SMIM31: variants seen among roughly 807,000 people sequenced by gnomAD.
SMIM31 encodes human epithelial cell program regulator.
chr4:164,763,135 C>T (rs577786176), intron 1 of SMIM31, among the ~76,000 whole-genome samples: 1 of 152,202 alleles, frequency 6.6e-6, no homozygotes, highest in Non-Finnish European at 1.5e-5. Context: ...TAAACCTATA[C>T]TTTAGAGACT....
At chr4:164,789,525 G>C (rs910768753) in intron 2 of SMIM31, among the ~76,000 whole-genome samples, 1 of 152,044 alleles carries the variant, frequency 6.6e-6, no homozygotes, top group African/African-American at 2.4e-5. Flanking sequence ...AAATTCACTG[G>C]GTAGAGGCAG....
At chr4:164,794,207 T>A (rs1733145336) in intron 2 of SMIM31, among the ~76,000 whole-genome samples, 1 of 151,888 alleles carries the variant, frequency 6.6e-6, no homozygotes, top group African/African-American at 2.4e-5. Flanking sequence ...GGAAACCCCA[T>A]CTCTACAAAA....
chr4:164,763,126 A>G (rs1287275176), intron 1 of SMIM31, among the ~76,000 whole-genome samples: 1 of 152,242 alleles, frequency 6.6e-6, no homozygotes, highest in African/African-American at 2.4e-5. Context: ...GAACTTTAGT[A>G]AACCTATACT....
At chr4:164,797,183 A>G (rs910498743) in intron 2 of SMIM31, among the ~76,000 whole-genome samples, 2 of 152,092 alleles carry the variant, frequency 1.3e-5, no homozygotes, top group Admixed American at 6.6e-5. Context: ...TTAAATTTCA[A>G]TCTCCTCTTT....
chr4:164,760,281 C>T (rs1461850080), intron 1 of SMIM31, among the ~76,000 whole-genome samples: 1 of 152,024 alleles, frequency 6.6e-6, no homozygotes, highest in Admixed American at 6.5e-5. Flanking sequence ...GTATGCCTTA[C>T]AATCTTAAAA....
chr4:164,765,273 A>T (rs928919966), intron 1 of SMIM31, among the ~76,000 whole-genome samples: 1 of 152,232 alleles, frequency 6.6e-6, no homozygotes, highest in Non-Finnish European at 1.5e-5. Context: ...AACAGCATTG[A>T]CAGGAGCTGG....
intron 1 of SMIM31, among the ~76,000 whole-genome samples, chr4:164,766,711 T>C (rs1418476524): frequency 6.6e-6 from 1 of 150,986 alleles, no homozygotes; most frequent in African/African-American, 2.4e-5. Flanking sequence ...GGCAGGAGAA[T>C]CGCTTGAACC....
chr4:164,795,842 G>A (rs574216829), intron 2 of SMIM31, among the ~76,000 whole-genome samples: 31 of 152,090 alleles, frequency 2.0e-4, no homozygotes, highest in South Asian at 4.2e-4. Flanking sequence ...TAGTATAAAG[G>A]TGACTAAAGC....
chr4:164,759,269 T>C (rs567942648), intron 1 of SMIM31, among the ~76,000 whole-genome samples: 1 of 152,276 alleles, frequency 6.6e-6, no homozygotes, highest in South Asian at 2.1e-4. Flanking sequence ...ATTTTCTGAT[T>C]TTATGTAAAC....
intron 2 of SMIM31, among the ~76,000 whole-genome samples, chr4:164,787,069 G>A (rs1341606875): frequency 4.6e-5 from 7 of 152,192 alleles, no homozygotes; most frequent in Admixed American, 2.0e-4. Flanking sequence ...GTGACATTAA[G>A]TCCTACCCTC....
intron 1 of SMIM31, among the ~76,000 whole-genome samples, chr4:164,767,501 T>C (rs1442087790): frequency 6.6e-6 from 1 of 152,166 alleles, no homozygotes; most frequent in African/African-American, 2.4e-5. Flanking sequence ...AAGTGATACA[T>C]TTTTGCACCA....
intron 2 of SMIM31, among the ~76,000 whole-genome samples, chr4:164,792,623 A>T (rs1733117170): frequency 6.6e-6 from 1 of 152,148 alleles, no homozygotes; most frequent in Non-Finnish European, 1.5e-5. Flanking sequence ...AACATTATTA[A>T]TTGGTGAATT....
In SMIM31 at chr4:164,801,985, G is replaced by A. The variant is rs375074026; in HGVS notation, c.*791G>A. On this transcript the variant is annotated 3_prime_UTR_variant, in exon 3 of 3. Coordinates refer to ENST00000507311, the MANE Select transcript of SMIM31 (RefSeq NM_001352885.1). Reference sequence around the variant, plus strand: ...GCAGTGGCTCACGCCTGTAATCCCAGCACTTTGGGAGGCCGAGGTGGGCAG... The same window carrying A: ...GCAGTGGCTCACGCCTGTAATCCCAACACTTTGGGAGGCCGAGGTGGGCAG... The A allele has an allele frequency of 6.6e-6, 1 of 151,770 alleles. No homozygotes were observed. 9.4% of individuals were successfully genotyped at this position (151,770 alleles called of 1,614,324 possible).
intron 2 of SMIM31, among the ~76,000 whole-genome samples, chr4:164,795,539 A>C (rs1733178268): frequency 8.5e-6 from 1 of 117,476 alleles, no homozygotes; most frequent in African/African-American, 3.4e-5. Context: ...CAGCCTGGTG[A>C]CAGAGAGATA....
chr4:164,797,463 T>C (rs1317896104), intron 2 of SMIM31, among the ~76,000 whole-genome samples: 6 of 78,216 alleles, frequency 7.7e-5, no homozygotes, highest in African/African-American at 2.9e-4. Flanking sequence ...CAGATTTCTT[T>C]TCTTTTTTTT....
intron 2 of SMIM31, among the ~76,000 whole-genome samples, chr4:164,790,303 T>A (rs1560831380): frequency 6.6e-6 from 1 of 152,160 alleles, no homozygotes; most frequent in African/African-American, 2.4e-5. Context: ...TGTATTTTTT[T>A]AAAAAAAATC....
intron 2 of SMIM31, among the ~76,000 whole-genome samples, chr4:164,780,297 C>T (rs543775198): frequency 6.6e-6 from 1 of 152,136 alleles, no homozygotes; most frequent in Non-Finnish European, 1.5e-5. Flanking sequence ...CGTGGTGGCG[C>T]ATGCCTGTAG....
intron 1 of SMIM31, among the ~76,000 whole-genome samples, chr4:164,758,651 T>TC (rs1732601206): frequency 6.9e-6 from 1 of 144,202 alleles, no homozygotes; most frequent in Non-Finnish European, 1.5e-5. Context: ...TTTTTTTTTT[T>TC]GAGACGGAGT....
chr4:164,772,625 C>T (rs901402832), intron 2 of SMIM31, among the ~76,000 whole-genome samples: 6 of 149,604 alleles, frequency 4.0e-5, no homozygotes, highest in East Asian at 2.0e-4. Flanking sequence ...GTCGCCCAGG[C>T]TGGAGTGCAG....
Sources: allele counts gnomAD v4.1 joint callset (sites outside exome capture counted in the v4.1 genomes callset), GRCh38; gene constraint gnomAD v4.1.1; transcripts MANE v1.5; gene names NCBI Gene and HGNC (gene_info 2026-07-23, HGNC 2026-07-21).